DHRSX: variants seen among roughly 807,000 people sequenced by gnomAD.
The protein encoded by DHRSX is dehydrogenase/reductase X-linked.
In DHRSX, 31 loss-of-function variants were observed where a neutral mutation model predicts 34.0. The ratio of observed to expected loss-of-function variants is 0.91; its 90% confidence interval spans 0.69 to 1.23. DHRSX has a LOEUF of 1.23. Ranked by LOEUF, DHRSX falls within the 50% of genes most tolerant of loss-of-function variation. DHRSX has a pLI of 0.00. For missense variants in DHRSX, 414 were observed against 428.1 expected, an observed-to-expected ratio of 0.97 and a Z score of 0.29; for synonymous variants, 201 against 183.8, an observed-to-expected ratio of 1.09 and a Z score of -0.76.
intron 3 of DHRSX, among the ~76,000 whole-genome samples, chrX:2,376,532 G>A (rs949648850): frequency 3.6e-5 from 5 of 137,388 alleles, no homozygotes; most frequent in Admixed American, 7.3e-5. Flanking sequence ...ACCAAGATGT[G>A]TCCACCCAGA....
chrX:2,372,905 C>A (rs1341401722), intron 3 of DHRSX, among the ~76,000 whole-genome samples: 4 of 152,150 alleles, frequency 2.6e-5, no homozygotes, highest in African/African-American at 7.2e-5. Context: ...AGCCACCGCG[C>A]CTGGCTGGGG....
At chrX:2,403,751 G>A (rs2043517245) in intron 3 of DHRSX, among the ~76,000 whole-genome samples, 1 of 151,782 alleles carries the variant, frequency 6.6e-6, no homozygotes. Flanking sequence ...AGTTACTCGG[G>A]AGGCTGAGGC....
chrX:2,402,310 A>G (rs759672988), intron 3 of DHRSX, among the ~76,000 whole-genome samples: 1 of 152,380 alleles, frequency 6.6e-6, no homozygotes, highest in East Asian at 1.9e-4. Context: ...TTGTGGGGAC[A>G]AGAATCAGAG....
At chrX:2,449,460 C>T (rs1192052905) in intron 1 of DHRSX, among the ~76,000 whole-genome samples, 1 of 152,070 alleles carries the variant, frequency 6.6e-6, no homozygotes, top group Non-Finnish European at 1.5e-5. Context: ...TTCTGGGGGA[C>T]ACTGATTTTC....
At chrX:2,406,232 C>T (rs1259890488) in intron 3 of DHRSX, among the ~76,000 whole-genome samples, 2 of 151,292 alleles carry the variant, frequency 1.3e-5, no homozygotes, top group East Asian at 2.0e-4. Context: ...CCGGAGGTTG[C>T]AGTGAGCCGA....
At chrX:2,442,977 G>A (rs2044081602) in intron 1 of DHRSX, among the ~76,000 whole-genome samples, 1 of 152,106 alleles carries the variant, frequency 6.6e-6, no homozygotes, top group Non-Finnish European at 1.5e-5. Flanking sequence ...CAATCTAGAA[G>A]CTGAGTATTA....
chrX:2,391,599 CA>C (rs1350351465), intron 3 of DHRSX, among the ~76,000 whole-genome samples: 2 of 152,110 alleles, frequency 1.3e-5, no homozygotes, highest in African/African-American at 4.8e-5. Flanking sequence ...CCCAGAAATG[CA>C]AAGGCTGATG....
chrX:2,498,750 C>T (rs1403010583), intron 1 of DHRSX, among the ~76,000 whole-genome samples: 1 of 152,094 alleles, frequency 6.6e-6, no homozygotes, highest in African/African-American at 2.4e-5. Flanking sequence ...CCACACAGGC[C>T]CTTAAGGAGG....
intron 3 of DHRSX, among the ~76,000 whole-genome samples, chrX:2,359,585 C>T (rs1308481597): frequency 6.6e-6 from 1 of 151,782 alleles, no homozygotes; most frequent in Non-Finnish European, 1.5e-5. Flanking sequence ...GAGGCTGAGG[C>T]AGAGGAATTT....
intron 3 of DHRSX, among the ~76,000 whole-genome samples, chrX:2,328,566 T>C (rs1004277058): frequency 2.0e-5 from 3 of 151,322 alleles, no homozygotes; most frequent in African/African-American, 7.3e-5. Context: ...TAAGAGGAGA[T>C]GAGGACACAG....
At chrX:2,443,963 ACC>A (rs1411550631) in intron 1 of DHRSX, among the ~76,000 whole-genome samples, 1 of 145,802 alleles carries the variant, frequency 6.9e-6, no homozygotes, top group Non-Finnish European at 1.5e-5. Context: ...CTGAGATCAC[ACC>A]CTGCACTCCA....
chrX:2,233,478 C>A (rs2015944234), intron 6 of DHRSX, among the ~76,000 whole-genome samples: 1 of 151,826 alleles, frequency 6.6e-6, no homozygotes, highest in Non-Finnish European at 1.5e-5. Context: ...TTAACAGACA[C>A]AAGAGCATCT....
intron 1 of DHRSX, among the ~76,000 whole-genome samples, chrX:2,459,097 C>T (rs753431219): frequency 2.1e-4 from 32 of 152,170 alleles, no homozygotes; most frequent in Non-Finnish European, 3.8e-4. Context: ...ATGAACATGA[C>T]GCTGCACTCC....
chrX:2,456,142 G>T (rs1267800929), intron 1 of DHRSX, among the ~76,000 whole-genome samples: 4 of 152,114 alleles, frequency 2.6e-5, no homozygotes, highest in Non-Finnish European at 4.4e-5. Context: ...CACCACAGGG[G>T]TGACCCCAGA....
intron 1 of DHRSX, among the ~76,000 whole-genome samples, chrX:2,476,645 G>T (rs1026096724): frequency 2.0e-5 from 3 of 152,014 alleles, no homozygotes; most frequent in Admixed American, 1.3e-4. Flanking sequence ...TCAAAACAAC[G>T]CCACGTAGAC....
At chrX:2,495,832 G>A (rs35973124) in intron 1 of DHRSX, among the ~76,000 whole-genome samples, 14,694 of 152,048 alleles carry the variant, frequency 0.097, 820 homozygotes, top group African/African-American at 0.14. Flanking sequence ...GCGATTTCAC[G>A]TTTCCAATTG....
chrX:2,220,115 A>C lies in DHRSX; in HGVS notation c.*926T>G, dbSNP rs1202862135. The C allele has an allele frequency of 6.6e-6, 1 of 152,174 alleles. No individual in the cohort carries two copies. Among genetic ancestry groups the C allele is most frequent in the African/African-American group, 2.4e-5 (1 of 41,436 alleles). The allele number at this position is 152,174 out of a possible 1,614,324, so 9.4% of individuals were successfully genotyped here. On this transcript the variant is annotated 3_prime_UTR_variant, in exon 7 of 7. Coordinates refer to ENST00000334651, the MANE Select transcript of DHRSX (RefSeq NM_145177.3). Reference sequence around the variant, plus strand: ...CGTCAGAGGGGCCAAGATTGCTCTGAGGGGTATAAGGGAGAATCCTTCCTG... The same window carrying C: ...CGTCAGAGGGGCCAAGATTGCTCTGCGGGGTATAAGGGAGAATCCTTCCTG...
intron 3 of DHRSX, among the ~76,000 whole-genome samples, chrX:2,340,176 C>A (rs1426727223): frequency 6.7e-6 from 1 of 150,060 alleles, no homozygotes; most frequent in Non-Finnish European, 1.5e-5. Flanking sequence ...ACATCACACA[C>A]TGGGGCCTGT....
At chrX:2,311,902 T>C (rs114436084) in intron 3 of DHRSX, among the ~76,000 whole-genome samples, 2,044 of 152,248 alleles carry the variant, frequency 0.013, 45 homozygotes, top group African/African-American at 0.041. Flanking sequence ...GTCTGCTGTT[T>C]AGATACACTG....
Sources: allele counts gnomAD v4.1 joint callset (sites outside exome capture counted in the v4.1 genomes callset), GRCh38; gene constraint gnomAD v4.1.1; transcripts MANE v1.5; gene names NCBI Gene and HGNC (gene_info 2026-07-23, HGNC 2026-07-21).